PPA2: variants seen among roughly 807,000 people sequenced by gnomAD.
The protein encoded by PPA2 is inorganic pyrophosphatase 2.
A neutral mutation model predicts 49.5 loss-of-function variants in PPA2; 48 were observed. The observed-to-expected ratio is 0.97, with a 90% CI of 0.77 to 1.23. PPA2 has a LOEUF of 1.23. Ranked by LOEUF, PPA2 falls within the 50% of genes most tolerant of loss-of-function variation. The pLI is 0.00. For missense variants in PPA2, 429 were observed against 410.1 expected (o/e 1.05, Z -0.40); for synonymous variants, 131 against 139.9 (o/e 0.94, Z 0.45).
intron 10 of PPA2, among the ~76,000 whole-genome samples, chr4:105,378,178 TGTA>T: frequency 6.6e-6 from 1 of 152,278 alleles, no homozygotes; most frequent in East Asian, 1.9e-4. Context: ...AAATGAGAAT[TGTA>T]GTTCCTCCAC....
intron 5 of PPA2, among the ~76,000 whole-genome samples, chr4:105,439,899 T>G (rs374531634): frequency 1.2e-3 from 136 of 116,598 alleles, no homozygotes; most frequent in African/African-American, 3.6e-3. Context: ...GTGTTGTCAC[T>G]GTTCAATTCC....
chr4:105,395,562 C>T (rs891536898), intron 9 of PPA2, among the ~76,000 whole-genome samples: 6 of 152,030 alleles, frequency 3.9e-5, no homozygotes, highest in Admixed American at 1.3e-4. Context: ...GGTTATAAAA[C>T]TAACGAGGCT....
intron 1 of PPA2, among the ~76,000 whole-genome samples, chr4:105,471,853 C>T (rs1723537223): frequency 6.6e-6 from 1 of 152,188 alleles, no homozygotes; most frequent in African/African-American, 2.4e-5. Context: ...ACCACACTCC[C>T]CTTTCTTCCA....
intron 7 of PPA2, among the ~76,000 whole-genome samples, chr4:105,418,855 C>T (rs1323229678): frequency 6.6e-6 from 1 of 152,182 alleles, no homozygotes; most frequent in Non-Finnish European, 1.5e-5. Context: ...TCTGAAGAGG[C>T]ACAAACATCT....
intron 6 of PPA2, among the ~76,000 whole-genome samples, chr4:105,433,830 CA>C (rs1723926533): frequency 6.6e-6 from 1 of 152,134 alleles, no homozygotes; most frequent in African/African-American, 2.4e-5. Context: ...GAACATATGA[CA>C]AGTGATTATA....
At chr4:105,445,523 C>G (rs1051270954) in intron 5 of PPA2, among the ~76,000 whole-genome samples, 3 of 151,982 alleles carry the variant, frequency 2.0e-5, no homozygotes, top group Non-Finnish European at 4.4e-5. Context: ...TTATTCTACA[C>G]GGGCAGCTGC....
intron 10 of PPA2, among the ~76,000 whole-genome samples, chr4:105,384,098 T>TA (rs1198996836): frequency 6.6e-6 from 1 of 152,186 alleles, no homozygotes; most frequent in Non-Finnish European, 1.5e-5. Flanking sequence ...AGAAAGGTGT[T>TA]AACTAATCTG....
In PPA2 at chr4:105,437,922, T is replaced by C. The variant is rs147396330; in HGVS notation, c.528+28A>G. On this transcript the variant is annotated intron_variant, in intron 6 of 11. Coordinates refer to ENST00000341695, the MANE Select transcript of PPA2 (RefSeq NM_176869.3). ...GGCATGAATAAACCAAAACTCACGT[T>C]AGAATTAATACAGTCTATAAAACAA... is the stretch of plus-strand genomic sequence containing the variant. The C allele has an allele frequency of 2.2e-5, 34 of 1,530,856 alleles. No homozygotes were observed. The African/African-American group carries it at 4.5e-4, about 20-fold the overall frequency. 94.8% of individuals were successfully genotyped at this position (1,530,856 alleles called of 1,614,324 possible).
At chr4:105,394,144 A>T (rs1321246569) in intron 9 of PPA2, among the ~76,000 whole-genome samples, 1 of 152,142 alleles carries the variant, frequency 6.6e-6, no homozygotes. Context: ...AGGTGGGCGG[A>T]TCACTTGAGG....
At chr4:105,419,925 AC>A (rs1176029906) in intron 7 of PPA2, among the ~76,000 whole-genome samples, 1 of 151,692 alleles carries the variant, frequency 6.6e-6, no homozygotes, top group Non-Finnish European at 1.5e-5. Flanking sequence ...ACTCTGACAA[AC>A]CATGCCAAAT....
intron 4 of PPA2, chr4:105,448,144 G>A: frequency 5.4e-6 from 2 of 367,824 alleles, no homozygotes; most frequent in South Asian, 2.1e-5. Context: ...AAGAAACACT[G>A]CTTAAGTTAG....
At position 105,438,012 on chromosome 4, in the gene PPA2, C is replaced by A. The variant is rs980284813; in HGVS notation, c.466G>T (p.Asp156Tyr). 5 of 1,605,874 alleles carry A rather than the reference C, an allele frequency of 3.1e-6. No homozygotes were observed. The highest frequency in any genetic ancestry group is 4.2e-6 in the Non-Finnish European group (5 of 1,177,964). The change falls in exon 6 of 12, where the codon GAT becomes TAT. Residue 156 changes from aspartate (D) to tyrosine (Y), a missense_variant. Coordinates refer to ENST00000341695, the MANE Select transcript of PPA2 (RefSeq NM_176869.3). ...PQTWEDPHEK[D>Y]KSTNCFGDND... ...TCTCCAAAGCAGTTCGTGCTCTTAT[C>A]TTTTTCATGGGGATCTTCCCAAGTC...
chr4:105,387,344 AAGGG>A (rs933416801), intron 9 of PPA2, among the ~76,000 whole-genome samples: 3 of 152,162 alleles, frequency 2.0e-5, no homozygotes, highest in Non-Finnish European at 4.4e-5. Context: ...GGTGGTAGAG[AAGGG>A]AGTTAAAGCC....
chr4:105,437,910 CA>C, intron 6 of PPA2, 39 bp downstream of exon 6: 2 of 1,503,246 alleles, frequency 1.3e-6, no homozygotes, highest in South Asian at 2.5e-5. Context: ...ATGAATAAAC[CA>C]AAACTCACGT....
At chr4:105,451,801 T>C (rs989111804) in intron 3 of PPA2, among the ~76,000 whole-genome samples, 1 of 152,218 alleles carries the variant, frequency 6.6e-6, no homozygotes, top group Non-Finnish European at 1.5e-5. Context: ...TCCCTCTTCA[T>C]TTGCTCGTAA....
chr4:105,426,995 C>T (rs1191480686), intron 6 of PPA2, among the ~76,000 whole-genome samples: 2 of 152,088 alleles, frequency 1.3e-5, no homozygotes, highest in East Asian at 1.9e-4. Flanking sequence ...CCCTCTGGGA[C>T]GAAGTTTCAG....
At chr4:105,437,725 G>A (rs909676488) in intron 6 of PPA2, among the ~76,000 whole-genome samples, 2 of 152,148 alleles carry the variant, frequency 1.3e-5, no homozygotes, top group African/African-American at 2.4e-5. Context: ...GCATACCTGC[G>A]TTATTTATAA....
At chr4:105,468,944 G>A (rs537418999) in intron 1 of PPA2, among the ~76,000 whole-genome samples, 3 of 152,204 alleles carry the variant, frequency 2.0e-5, no homozygotes, top group African/African-American at 4.8e-5. Context: ...GCAGCAGCTC[G>A]GCTTTTCCCT....
rs1420755190 is a variant in PPA2, at chr4:105,390,718, T to A, written c.870-4082A>T. Among the ~76,000 whole-genome samples, 2 of 152,186 alleles carry A rather than the reference T, an allele frequency of 1.3e-5. 1 individual carries two copies. The highest frequency in any genetic ancestry group is 4.1e-4 in the South Asian group (2 of 4,826). ...TGCTGAGGCTGTGGAGAAATAGGAATGCTTTTACACTGTTGGTGGGAGTGT... is the reference window on the plus strand; with the variant it reads ...TGCTGAGGCTGTGGAGAAATAGGAAAGCTTTTACACTGTTGGTGGGAGTGT... On this transcript the variant is annotated intron_variant, in intron 9 of 11. Transcript: ENST00000341695.
Sources: gnomAD v4.1 joint callset for allele counts (sites outside exome capture counted in the v4.1 genomes callset) on GRCh38, gnomAD v4.1.1 for gene constraint, MANE v1.5 for transcripts, NCBI Gene and HGNC (gene_info 2026-07-23, HGNC 2026-07-21) for gene names.